The following DCAF4 variants were observed in gnomAD, a reference collection of about 807,000 sequenced individuals.
DCAF4 encodes the protein DDB1- and CUL4-associated factor 4.
A neutral mutation model predicts 60.9 loss-of-function variants in DCAF4; 37 were observed. The observed-to-expected ratio is 0.61, with a 90% CI of 0.47 to 0.80. The LOEUF (loss-of-function observed/expected upper bound fraction) is 0.80. Among genes scored for constraint, DCAF4 ranks in the 30% least tolerant of loss-of-function variants. The pLI, the probability that DCAF4 is intolerant of heterozygous loss-of-function variation, is 0.00. For synonymous variants in DCAF4, 243 were observed against 254.8 expected (o/e 0.95, Z 0.44); for missense variants, 577 against 650.0 (o/e 0.89, Z 1.22).
intron 1 of DCAF4, among the ~76,000 whole-genome samples, chr14:72,928,210 T>TTTG (rs1887927990): frequency 7.1e-6 from 1 of 141,398 alleles, no homozygotes. Flanking sequence ...TTTTTTTTTT[T>TTTG]GATACGGAAT....
intron 12 of DCAF4, 111 bp from the exon 13 acceptor site, chr14:72,956,275 C>T (rs1892286579): frequency 1.2e-5 from 9 of 722,304 alleles, no homozygotes; most frequent in Non-Finnish European, 2.0e-5. Flanking sequence ...TGGAGATCTT[C>T]ATGACCTGCA....
chr14:72,928,360 A>AT (rs1887963568), intron 1 of DCAF4, among the ~76,000 whole-genome samples: 2 of 149,066 alleles, frequency 1.3e-5, no homozygotes, highest in Non-Finnish European at 3.0e-5. Flanking sequence ...CGCCCGGCTA[A>AT]CTTTTTGTAT....
rs190840342 is a variant in DCAF4, at chr14:72,954,307, C to T, written c.907+45C>T. On this transcript the variant is annotated intron_variant, in intron 10 of 13. Coordinates refer to ENST00000358377, the MANE Select transcript of DCAF4 (RefSeq NM_015604.4). ...TGCCCAGAGAAGAGGCCTTAACAGG[C>T]CTTAAAACCCCATGTAGTTGTCCCT... The T allele has an allele frequency of 3.4e-4, 547 of 1,612,700 alleles. 7 individuals are homozygous for T. In the East Asian group the frequency reaches 0.011, roughly 34 times the overall value.
intron 1 of DCAF4, chr14:72,929,713 T>C: frequency 8.1e-7 from 1 of 1,240,848 alleles, no homozygotes; most frequent in East Asian, 2.3e-5. Context: ...CTTTTCTTGA[T>C]GAACTTGAGG....
chr14:72,949,917 A>C (rs1168386219), intron 8 of DCAF4, among the ~76,000 whole-genome samples: 1 of 152,234 alleles, frequency 6.6e-6, no homozygotes, highest in African/African-American at 2.4e-5. Flanking sequence ...CAGCTCCACA[A>C]GTCCTCAGTG....
rs1889763677 is a variant in DCAF4, at chr14:72,939,718, C to A, written c.93-84C>A. ...GAGATCAGAGGTGAAGGCTGCAGAA[C>A]TGCCCGAATGGACTCCCTGCCCCCG... is the stretch of plus-strand genomic sequence containing the variant. On this transcript the variant is annotated intron_variant, in intron 2 of 13. Coordinates refer to ENST00000358377, the MANE Select transcript of DCAF4 (RefSeq NM_015604.4). 3 of 1,187,172 alleles carry A rather than the reference C, an allele frequency of 2.5e-6. No homozygotes were observed. The African/African-American group carries it at 4.6e-5, about 18-fold the overall frequency. 73.5% of individuals were successfully genotyped at this position (1,187,172 alleles called of 1,614,324 possible).
chr14:72,955,884 C>T (rs1415500140), intron 12 of DCAF4, among the ~76,000 whole-genome samples, 188 bp downstream of exon 12: 2 of 133,518 alleles, frequency 1.5e-5, no homozygotes, highest in Non-Finnish European at 3.2e-5. Context: ...CTGACGTAAA[C>T]AAAAGTGAAA....
chr14:72,961,087 A>G (rs1326303374), downstream of DCAF4, among the ~76,000 whole-genome samples: 3 of 151,868 alleles, frequency 2.0e-5, no homozygotes, highest in Non-Finnish European at 1.5e-5. Context: ...GCGTCTCCCT[A>G]TGTTTCCCAG....
At chr14:72,929,508 G>A in intron 1 of DCAF4, 1 of 686,978 alleles carries the variant, frequency 1.5e-6, no homozygotes, top group East Asian at 2.7e-5. Context: ...ACCAGCCTGG[G>A]CGGCAACAAA....
intron 12 of DCAF4, among the ~76,000 whole-genome samples, chr14:72,955,975 T>G (rs2140311702): frequency 7.9e-6 from 1 of 126,440 alleles, no homozygotes; most frequent in Admixed American, 1.0e-4. Flanking sequence ...CGGGCTGGAG[T>G]GCAGTGGTAC....
chr14:72,953,553 A>G (rs1891720956), intron 9 of DCAF4, among the ~76,000 whole-genome samples: 1 of 150,918 alleles, frequency 6.6e-6, no homozygotes, highest in Non-Finnish European at 1.5e-5. Context: ...TCTACAAAAA[A>G]TAAATAATTA....
At position 72,929,797 on chromosome 14, in the gene DCAF4, G is replaced by A. The variant is rs372669697; in HGVS notation, c.-9+3254G>A. 8.2e-5 allele frequency: 92 copies of A among 1,125,930 alleles called. No individual in the cohort carries two copies. The African/African-American group carries it at 1.0e-3, about 13-fold the overall frequency. 69.7% of individuals were successfully genotyped at this position (1,125,930 alleles called of 1,614,324 possible). A position where few individuals can be genotyped will look rare whatever the true frequency, so the allele number is the denominator to read the frequency against. On this transcript the variant is annotated intron_variant, in intron 1 of 13. Transcript: ENST00000358377. The stretch of plus-strand genomic sequence containing the variant: ...TACGAAGCGAAGCCACACACCTCCC[G>A]GATCATGTCCCGCTACAAACTTGGT...
At chr14:72,938,245 G>C (rs771060607) in intron 2 of DCAF4, among the ~76,000 whole-genome samples, 175 bp downstream of exon 2, 16 of 152,144 alleles carry the variant, frequency 1.1e-4, no homozygotes, top group Non-Finnish European at 2.1e-4. Context: ...CGTGCTCCCA[G>C]GGCATGTCGC....
chr14:72,957,481 C>A (rs911844790), intron 13 of DCAF4: 1 of 152,228 alleles, frequency 6.6e-6, no homozygotes, highest in South Asian at 2.1e-4. Context: ...AGGGCTTATA[C>A]CCCATGGAAC....
At chr14:72,930,641 G>GTA (rs56871190) in intron 1 of DCAF4, among the ~76,000 whole-genome samples, 47,826 of 151,264 alleles carry the variant, frequency 0.32, 7,616 homozygotes, top group Middle Eastern at 0.39. Context: ...ATGTGTGTGT[G>GTA]TATATATATA....
chr14:72,953,724 A>ATAT (rs1291044005), intron 9 of DCAF4, among the ~76,000 whole-genome samples: 3 of 50,156 alleles, frequency 6.0e-5, no homozygotes, highest in Non-Finnish European at 1.0e-4. Flanking sequence ...AAAAAAAAAA[A>ATAT]AAAAAAAAAT....
intron 9 of DCAF4, among the ~76,000 whole-genome samples, chr14:72,953,732 A>AATATATATATAT (rs71109769): frequency 4.6e-5 from 1 of 21,766 alleles, no homozygotes; most frequent in African/African-American, 2.3e-4. Flanking sequence ...AAAAAAAAAA[A>AATATATATATAT]ATATATATAT....
chr14:72,929,759 G>T, intron 1 of DCAF4: 1 of 1,036,980 alleles, frequency 9.6e-7, no homozygotes, highest in Non-Finnish European at 1.5e-6. Flanking sequence ...GTGACTCCAT[G>T]GCGCGCAGCT....
chr14:72,954,375 G>A lies in DCAF4; in HGVS notation c.908-11G>A. Reference sequence around the variant, plus strand: ...GACATAATCTTACCAGCCCATCTCTGTCTCCGCCAGGCTTGTCTCGGCGGG... The same window carrying A: ...GACATAATCTTACCAGCCCATCTCTATCTCCGCCAGGCTTGTCTCGGCGGG... On this transcript the variant is annotated splice_polypyrimidine_tract_variant and intron_variant, in intron 10 of 13. Coordinates refer to ENST00000358377, the MANE Select transcript of DCAF4 (RefSeq NM_015604.4). 1.2e-6 allele frequency: 2 copies of A among 1,614,114 alleles called. No individual in the cohort carries two copies. Among genetic ancestry groups the A allele is most frequent in the Non-Finnish European group, 1.7e-6 (2 of 1,179,962 alleles).
Sources: gnomAD v4.1 joint callset for allele counts (sites outside exome capture counted in the v4.1 genomes callset) on GRCh38, gnomAD v4.1.1 for gene constraint, MANE v1.5 for transcripts, NCBI Gene and HGNC (gene_info 2026-07-23, HGNC 2026-07-21) for gene names.